ATP11C: variants seen among roughly 807,000 people sequenced by gnomAD.
The protein encoded by ATP11C is ATPase phospholipid transporting 11C (ATP11C blood group), also known as phospholipid-transporting ATPase IG.
Under a neutral mutation model 97.4 loss-of-function variants are expected in ATP11C, and 36 were observed. That is an observed-to-expected ratio of 0.37 (90% CI 0.28 to 0.49). The LOEUF is 0.49. Among genes scored for constraint, ATP11C ranks in the 20% least tolerant of loss-of-function variants. The pLI is 0.98. For synonymous variants in ATP11C, 275 were observed against 290.9 expected, an observed-to-expected ratio of 0.95 and a Z score of 0.56; for missense variants, 730 against 824.6, an observed-to-expected ratio of 0.89 and a Z score of 1.40.
Position 139,728,704 on chromosome X carries a change from T to C in ATP11C, c.*262A>G. On this transcript the variant is annotated 3_prime_UTR_variant, in exon 30 of 30. Transcript: ENST00000682941. ...GCCAGAATTCTAAGTATTCTTGCTT[T>C]CAACTTTCATATAATTCTTAACTTA... The C allele has an allele frequency of 2.9e-6, 1 of 347,783 alleles. No individual in the cohort carries two copies. The highest frequency in any genetic ancestry group is 5.1e-6 in the Non-Finnish European group (1 of 197,150). The allele number at this position is 347,783 out of a possible 1,213,427, so 28.7% of individuals were successfully genotyped here. A position where few individuals can be genotyped will look rare whatever the true frequency, so the allele number is the denominator to read the frequency against.
chrX:139,766,674 T>C (rs1229823563), intron 20 of ATP11C, among the ~76,000 whole-genome samples: 1 of 111,448 alleles, frequency 9.0e-6, no homozygotes, highest in Non-Finnish European at 1.9e-5. Flanking sequence ...CATCCCCTTG[T>C]TTAGAGGAAG....
Position 139,842,254 on chromosome X carries a change from G to A in ATP11C, c.28-15431C>T, listed in dbSNP as rs140643200. 1.9e-3 allele frequency among the ~76,000 whole-genome samples: 211 copies of A among 112,131 alleles called. 1 individual carries two copies. Among genetic ancestry groups the A allele is most frequent in the African/African-American group, 6.5e-3 (199 of 30,851 alleles). On this transcript the variant is annotated intron_variant, in intron 1 of 29. Transcript: ENST00000682941. ...TCACCGTGTTAGCCAGGATGGTCTC[G>A]ATCTCCTGACCTCATGATCTGCCCA... is the stretch of plus-strand genomic sequence containing the variant.
At chrX:139,769,277 C>CATAT (rs2082200047) in intron 19 of ATP11C, among the ~76,000 whole-genome samples, 1 of 34,537 alleles carries the variant, frequency 2.9e-5, no homozygotes, top group Non-Finnish European at 5.0e-5. Context: ...TTGGGGCAAA[C>CATAT]ATACATATAT....
chrX:139,910,186 G>A (rs1187073651), intron 1 of ATP11C, among the ~76,000 whole-genome samples: 1 of 111,396 alleles, frequency 9.0e-6, no homozygotes, highest in African/African-American at 3.3e-5. Flanking sequence ...TTAAGAGAGG[G>A]TGTCAAATTG....
chrX:139,822,568 C>G, intron 2 of ATP11C, among the ~76,000 whole-genome samples: 1 of 111,355 alleles, frequency 9.0e-6, no homozygotes, highest in South Asian at 3.8e-4. Context: ...CATACGCCAA[C>G]ACACCCGGCT....
rs139162586 is a variant in ATP11C at position 139,797,189 on chromosome X, C to T, written c.995G>A (p.Arg332Gln). 4.2e-6 allele frequency: 5 copies of T among 1,201,094 alleles called. No individual in the cohort carries two copies. Among genetic ancestry groups the T allele is most frequent in the East Asian group, 3.0e-5 (1 of 33,374 alleles). The stretch of plus-strand genomic sequence containing the variant: ...AAAACAAATTACCTTCAAGGTCTCT[C>T]GCTCTTTCTGAGTCTTTTGGTTATA... ...PWYNQKTQKE[R>Q]ETLKVLKMFT... is the part of the protein sequence containing the mutation. The change falls in exon 11 of 30, where the codon CGA (arginine) becomes CAA (glutamine). Residue 332 changes from arginine (R) to glutamine (Q), a missense_variant. By Grantham distance (43) the Arg-to-Gln change is conservative. Transcript: ENST00000682941.
intron 17 of ATP11C, 120 bp downstream of exon 17, chrX:139,783,044 T>C (rs764095430): frequency 1.3e-5 from 7 of 527,845 alleles, no homozygotes; most frequent in African/African-American, 1.2e-4. Context: ...ATACAAAACA[T>C]AGACCACAAA....
At chrX:139,739,418 C>T (rs765930152) in intron 27 of ATP11C, among the ~76,000 whole-genome samples, 3 of 110,222 alleles carry the variant, frequency 2.7e-5, no homozygotes, top group Non-Finnish European at 5.7e-5. Flanking sequence ...ACCCCAAAGA[C>T]GGGTGTGACT....
chrX:139,788,140 GTCC>G, intron 14 of ATP11C, 49 bp downstream of exon 14: 1 of 1,058,878 alleles, frequency 9.4e-7, no homozygotes, highest in Admixed American at 2.8e-5. Flanking sequence ...AATAACTTCT[GTCC>G]TCCTGTGATT....
intron 1 of ATP11C, 127 bp from the exon 2 acceptor site, chrX:139,826,950 A>G (rs2083544602): frequency 1.5e-6 from 1 of 670,348 alleles, no homozygotes; most frequent in African/African-American, 2.2e-5. Flanking sequence ...GAGAGGAGAA[A>G]ACCTTGTTAG....
intron 2 of ATP11C, among the ~76,000 whole-genome samples, chrX:139,825,427 C>G (rs1268776057): frequency 8.9e-6 from 1 of 111,757 alleles, no homozygotes; most frequent in Non-Finnish European, 1.9e-5. Flanking sequence ...ACAAGGTGAG[C>G]TGAAATTTCC....
At chrX:139,761,421 C>CA (rs747291138) in intron 22 of ATP11C, among the ~76,000 whole-genome samples, 1 of 111,889 alleles carries the variant, frequency 8.9e-6, no homozygotes, top group African/African-American at 3.2e-5. Context: ...GGTCACATAT[C>CA]AAAGTGTTAC....
At chrX:139,770,834 T>C (rs1329936722) in intron 19 of ATP11C, among the ~76,000 whole-genome samples, 1 of 112,008 alleles carries the variant, frequency 8.9e-6, no homozygotes, top group Non-Finnish European at 1.9e-5. Flanking sequence ...GGCTGTTGAA[T>C]GGTGCTATAG....
At chrX:139,882,357 G>A (rs1397796984) in intron 1 of ATP11C, among the ~76,000 whole-genome samples, 1 of 111,415 alleles carries the variant, frequency 9.0e-6, no homozygotes, top group Non-Finnish European at 1.9e-5. Context: ...ATTTATGGTA[G>A]CCAAGAAGAG....
chrX:139,821,882 TTTTTAG>T (rs2083415803), intron 2 of ATP11C, among the ~76,000 whole-genome samples: 2 of 112,744 alleles, frequency 1.8e-5, no homozygotes, highest in African/African-American at 6.4e-5. Context: ...TAGCACATCT[TTTTTAG>T]TATAATACAA....
At chrX:139,873,289 G>A (rs959153083) in intron 1 of ATP11C, among the ~76,000 whole-genome samples, 37 of 112,292 alleles carry the variant, frequency 3.3e-4, no homozygotes, top group African/African-American at 1.2e-3. Context: ...AAGAAAACGG[G>A]AAGTTTATTG....
At position 139,835,160 on chromosome X, in the gene ATP11C, A is replaced by C. The variant is rs764133558; in HGVS notation, c.28-8337T>G. On this transcript the variant is annotated intron_variant, in intron 1 of 29. Transcript: ENST00000682941. ...AGGTGAGATCAGTGTTGTATTTGTGACAATTTCTATCCATGTATGCCAAAA... is the reference window on the plus strand; with the variant it reads ...AGGTGAGATCAGTGTTGTATTTGTGCCAATTTCTATCCATGTATGCCAAAA... Among the ~76,000 whole-genome samples the C allele has an allele frequency of 1.3e-4, 15 of 112,065 alleles. No homozygotes were observed. The South Asian group carries it at 5.3e-3, about 39-fold the overall frequency.
At chrX:139,910,130 ATTCTT>A (rs2148132806) in intron 1 of ATP11C, 1 of 112,109 alleles carries the variant, frequency 8.9e-6, no homozygotes, top group Non-Finnish European at 1.9e-5. Context: ...CATCTGTACT[ATTCTT>A]GAGTGTGATC....
At chrX:139,757,782 T>C in intron 23 of ATP11C, 26 bp downstream of exon 23, 1 of 1,092,463 alleles carries the variant, frequency 9.2e-7, no homozygotes. Flanking sequence ...TAAACTATAT[T>C]ATAACGAATA....
Sources: gnomAD v4.1 joint callset for allele counts (sites outside exome capture counted in the v4.1 genomes callset) on GRCh38, gnomAD v4.1.1 for gene constraint, MANE v1.5 for transcripts, NCBI Gene and HGNC (gene_info 2026-07-23, HGNC 2026-07-21) for gene names.